The following PLA2G4E variants were observed in gnomAD, a reference collection of about 807,000 sequenced individuals.
The protein encoded by PLA2G4E is phospholipase A2 group IVE, also known as cytosolic phospholipase A2 epsilon.
In PLA2G4E, 84 loss-of-function variants were observed where a neutral mutation model predicts 109.1. That is an observed-to-expected ratio of 0.77 (90% CI 0.65 to 0.92). The LOEUF is 0.92. PLA2G4E is among the 40% of genes least tolerant of loss of function. The pLI is 0.00. For synonymous variants in PLA2G4E, 469 were observed against 436.1 expected, an observed-to-expected ratio of 1.08 and a Z score of -0.94; for missense variants, 1,057 against 1,076.6, an observed-to-expected ratio of 0.98 and a Z score of 0.25.
intron 1 of PLA2G4E, among the ~76,000 whole-genome samples, chr15:42,041,326 A>AC (rs1238781068): frequency 6.6e-6 from 1 of 151,760 alleles, no homozygotes; most frequent in Non-Finnish European, 1.5e-5. Flanking sequence ...AAAGGAAAAA[A>AC]AAAGTTGTTG....
intron 17 of PLA2G4E, chr15:41,986,728 C>A: frequency 5.3e-6 from 1 of 190,134 alleles, no homozygotes; most frequent in Non-Finnish European, 1.1e-5. Context: ...ACCATATTGC[C>A]CAGGCTGGTC....
exon 8 of PLA2G4E, chr15:42,000,182 G>A (rs764544682): frequency 5.0e-6 from 8 of 1,595,026 alleles, no homozygotes; most frequent in Non-Finnish European, 6.0e-6. Flanking sequence ...AGCAGGCAGC[G>A]GTTTGGAAGC....
At chr15:42,043,385 C>T (rs913388586) in intron 1 of PLA2G4E, among the ~76,000 whole-genome samples, 10 of 151,674 alleles carry the variant, frequency 6.6e-5, no homozygotes, top group East Asian at 3.9e-4. Context: ...TGTGGGCACC[C>T]GTAGGTCAGG....
chr15:42,048,460 T>C (rs1668542), intron 1 of PLA2G4E, among the ~76,000 whole-genome samples: 14,396 of 152,226 alleles, frequency 0.095, 732 homozygotes, highest in South Asian at 0.19. Context: ...ATTAAAATAT[T>C]AAAATTAAAT....
intron 14 of PLA2G4E, 98 bp downstream of exon 14, chr15:41,990,023 A>G (rs1595558151): frequency 1.1e-6 from 1 of 891,358 alleles, no homozygotes; most frequent in Non-Finnish European, 1.8e-6. Flanking sequence ...GTTGACAAAG[A>G]TGAGTGGGAT....
chr15:41,999,389 TGCCA>T (rs1423653723), intron 10 of PLA2G4E, 131 bp downstream of exon 10: 2 of 654,378 alleles, frequency 3.1e-6, no homozygotes, highest in Non-Finnish European at 5.4e-6. Context: ...GAAGATGATA[TGCCA>T]GCCAGCCCAT....
At chr15:41,987,346 T>C (rs1309860568) in exon 17 of PLA2G4E, 1 of 1,613,794 alleles carries the variant, frequency 6.2e-7, no homozygotes, top group Admixed American at 1.7e-5. Flanking sequence ...GCATCACATT[T>C]GGGGATTTCA....
At chr15:41,985,062 G>A (rs1320803519) in intron 18 of PLA2G4E, among the ~76,000 whole-genome samples, 2 of 152,196 alleles carry the variant, frequency 1.3e-5, no homozygotes, top group Non-Finnish European at 2.9e-5. Context: ...CACTGCCTTA[G>A]AGTGTCAGAA....
chr15:41,983,581 C>T, exon 20 of PLA2G4E: 1 of 617,972 alleles, frequency 1.6e-6, no homozygotes, highest in South Asian at 2.0e-5. Context: ...CTCTCTCTTT[C>T]TGACTTTCTC....
exon 20 of PLA2G4E, chr15:41,983,930 T>C (rs1305408213): frequency 1.2e-6 from 2 of 1,612,738 alleles, no homozygotes; most frequent in South Asian, 2.2e-5. Flanking sequence ...GGACCATAAA[T>C]GTCCACCTGG....
chr15:42,008,281 C>T (rs1048976010), intron 2 of PLA2G4E, among the ~76,000 whole-genome samples: 12 of 152,208 alleles, frequency 7.9e-5, no homozygotes, highest in African/African-American at 2.9e-4. Flanking sequence ...CCAAGCACTC[C>T]CTCTGGGCTG....
chr15:42,037,607 A>T (rs957320993), intron 1 of PLA2G4E, among the ~76,000 whole-genome samples: 2 of 152,222 alleles, frequency 1.3e-5, no homozygotes, highest in Non-Finnish European at 2.9e-5. Context: ...CGGGTCTAAA[A>T]GATCTATAAC....
intron 5 of PLA2G4E, 22 bp downstream of exon 5, chr15:42,004,916 C>A: frequency 6.5e-7 from 1 of 1,548,164 alleles, no homozygotes; most frequent in South Asian, 1.1e-5. Flanking sequence ...CTTGGTGGGC[C>A]CCGGGGCCTG....
Position 42,023,414 on chromosome 15 carries a change from T to C in PLA2G4E, c.184-9657A>G, listed in dbSNP as rs1236920000. Among the ~76,000 whole-genome samples the C allele has an allele frequency of 2.6e-5, 4 of 151,546 alleles. No individual in the cohort carries two copies. In the East Asian group the frequency reaches 7.7e-4, roughly 29 times the overall value. ...ATATTTGGACGTAGTCTCTAAGCAG[T>C]AGGGGGCTATTGATGGTTTTTGAGC... On this transcript the variant is annotated intron_variant, in intron 1 of 19. Transcript: ENST00000399518.
intron 1 of PLA2G4E, among the ~76,000 whole-genome samples, chr15:42,044,911 C>T: frequency 6.6e-6 from 1 of 151,954 alleles, no homozygotes; most frequent in Non-Finnish European, 1.5e-5. Context: ...GTCACTTGGG[C>T]CCGGGTAGGG....
At chr15:42,014,556 G>T (rs1303856190) in intron 1 of PLA2G4E, among the ~76,000 whole-genome samples, 2 of 152,186 alleles carry the variant, frequency 1.3e-5, no homozygotes, top group Non-Finnish European at 2.9e-5. Flanking sequence ...CTGCGGGAAG[G>T]GGGGTGACAG....
At chr15:41,991,198 A>G (rs1015730141) in intron 13 of PLA2G4E, among the ~76,000 whole-genome samples, 1 of 152,160 alleles carries the variant, frequency 6.6e-6, no homozygotes, top group African/African-American at 2.4e-5. Context: ...CCAGAGCGCA[A>G]GAGCAGAGGC....
intron 1 of PLA2G4E, among the ~76,000 whole-genome samples, chr15:42,024,417 G>T (rs945218847): frequency 1.3e-5 from 2 of 152,236 alleles, no homozygotes; most frequent in African/African-American, 4.8e-5. Context: ...CTTGGGCCCA[G>T]CCTTGCTGCT....
intron 1 of PLA2G4E, among the ~76,000 whole-genome samples, chr15:42,039,488 T>C (rs1265329462): frequency 6.6e-6 from 1 of 152,062 alleles, no homozygotes; most frequent in Non-Finnish European, 1.5e-5. Context: ...AGAATGAATA[T>C]CTCCAAATAG....
Sources: allele counts gnomAD v4.1 joint callset (sites outside exome capture counted in the v4.1 genomes callset), GRCh38; gene constraint gnomAD v4.1.1; transcripts MANE v1.5; gene names NCBI Gene and HGNC (gene_info 2026-07-23, HGNC 2026-07-21).